The following MRPS10 variants were observed in gnomAD, a reference collection of about 807,000 sequenced individuals.
MRPS10 encodes small ribosomal subunit protein uS10m.
MRPS10 carries 23 observed loss-of-function variants against 27.5 expected under a neutral mutation model. The ratio of observed to expected loss-of-function variants is 0.84; its 90% CI spans 0.60 to 1.18. The LOEUF (loss-of-function observed/expected upper bound fraction) is 1.18, where lower values mean the gene tolerates loss of function less well. Ranked by LOEUF, MRPS10 falls within the 50% of genes most tolerant of loss-of-function variation. MRPS10 has a pLI of 0.00. For synonymous variants in MRPS10, 88 were observed against 84.2 expected, an observed-to-expected ratio of 1.04 and a Z score of -0.25; for missense variants, 237 against 240.1, an observed-to-expected ratio of 0.99 and a Z score of 0.09.
rs572230387 is a variant in MRPS10 at position 42,217,678 on chromosome 6, T to C, written c.48+124A>G. The C allele has an allele frequency of 3.6e-5, 35 of 968,352 alleles. No individual in the cohort carries two copies. The African/African-American group carries it at 4.3e-4, about 12-fold the overall frequency. The allele number at this position is 968,352 out of a possible 1,614,324, so 60.0% of individuals were successfully genotyped here. The stretch of plus-strand genomic sequence containing the variant: ...TAGCCCCTTTCTCGTCACTTTCCTG[T>C]AAACGGCGCGAGGTGAGGGATAAAT... On this transcript the variant is annotated intron_variant, in intron 1 of 6. Transcript: ENST00000053468.
intron 4 of MRPS10, among the ~76,000 whole-genome samples, chr6:42,211,510 A>T (rs1768771418): frequency 6.6e-6 from 1 of 151,436 alleles, no homozygotes; most frequent in African/African-American, 2.4e-5. Flanking sequence ...GTGAAACCCC[A>T]TCTCTACTAA....
chr6:42,210,182 C>T (rs1378753148), intron 5 of MRPS10, among the ~76,000 whole-genome samples: 2 of 152,224 alleles, frequency 1.3e-5, no homozygotes, highest in African/African-American at 4.8e-5. Context: ...GTATGTGAAA[C>T]AGTTATTAGA....
chr6:42,208,522 A>G (rs2113858405), intron 6 of MRPS10, 150 bp from the exon 7 acceptor site: 1 of 668,292 alleles, frequency 1.5e-6, no homozygotes, highest in African/African-American at 1.8e-5. Flanking sequence ...AAAGAAGGAA[A>G]CTTGATGGTC....
chr6:42,209,747 CAAAAAAAAAAAAAAAAAA>C (rs60179760), intron 5 of MRPS10, among the ~76,000 whole-genome samples: 3 of 58,612 alleles, frequency 5.1e-5, no homozygotes, highest in East Asian at 5.9e-4. Context: ...GACTCTATCT[CAAAAAAAAAAAAAAAAAA>C]AAAAAAAAAA....
At chr6:42,216,099 C>A (rs1373437085) in intron 1 of MRPS10, among the ~76,000 whole-genome samples, 1 of 146,372 alleles carries the variant, frequency 6.8e-6, no homozygotes, top group Non-Finnish European at 1.5e-5. Flanking sequence ...TCTCAGCTCA[C>A]TGAAACCTCC....
intron 1 of MRPS10, among the ~76,000 whole-genome samples, chr6:42,215,172 T>TGC: frequency 6.6e-6 from 1 of 151,868 alleles, no homozygotes; most frequent in African/African-American, 2.4e-5. Flanking sequence ...GTGGATCACT[T>TGC]GTAGTCAGGA....
Position 42,217,668 on chromosome 6 carries a change from C to T in MRPS10, c.48+134G>A, listed in dbSNP as rs1259176969. The stretch of plus-strand genomic sequence containing the variant: ...CTGATAAAACTAGCCCCTTTCTCGT[C>T]ACTTTCCTGTAAACGGCGCGAGGTG... On this transcript the variant is annotated intron_variant, in intron 1 of 6. Coordinates refer to ENST00000053468, the MANE Select transcript of MRPS10 (RefSeq NM_018141.4). 7 of 829,702 alleles carry T rather than the reference C, an allele frequency of 8.4e-6. No homozygotes were observed. The African/African-American group carries it at 8.6e-5, about 10-fold the overall frequency. The allele number at this position is 829,702 out of a possible 1,614,324, so 51.4% of individuals were successfully genotyped here.
At chr6:42,216,385 AGT>A (rs1225590522) in intron 1 of MRPS10, among the ~76,000 whole-genome samples, 1,086 of 58,662 alleles carry the variant, frequency 0.019, 32 homozygotes, top group African/African-American at 0.045. Context: ...AGAGAGAGAG[AGT>A]GTGTGTGTGT....
chr6:42,213,044 G>C (rs1182846784), intron 3 of MRPS10, among the ~76,000 whole-genome samples: 2 of 152,202 alleles, frequency 1.3e-5, no homozygotes, highest in African/African-American at 2.4e-5. Flanking sequence ...CTGCTGTCTT[G>C]CTTATAAAGA....
intron 5 of MRPS10, among the ~76,000 whole-genome samples, chr6:42,210,137 A>G (rs1401506503): frequency 1.3e-5 from 2 of 152,238 alleles, no homozygotes; most frequent in Admixed American, 1.3e-4. Flanking sequence ...TGAAAAACCT[A>G]ATGCTGTGCA....
chr6:42,210,558 A>T lies in MRPS10; in HGVS notation c.362T>A (p.Leu121His). Reference protein sequence around the residue: ...PPRKIERFTLLQSVHIYKKHR... With the variant: ...PPRKIERFTLHQSVHIYKKHR... Reference sequence around the variant, plus strand: ...CTTCTTGTAAATATGCACTGATTGGAGAAGAGTAAATCGCTCTATTTTCCT... The same window carrying T: ...CTTCTTGTAAATATGCACTGATTGGTGAAGAGTAAATCGCTCTATTTTCCT... Residue 121 changes from leucine (L) to histidine (H), a missense_variant, in exon 5 of 7, where the codon CTC (leucine) becomes CAC (histidine). By Grantham distance (99) the Leu-to-His change is moderately conservative. Coordinates refer to ENST00000053468, the MANE Select transcript of MRPS10 (RefSeq NM_018141.4). 6.5e-7 allele frequency: 1 copy of T among 1,528,394 alleles called. No individual in the cohort carries two copies. Among genetic ancestry groups the T allele is most frequent in the South Asian group, 1.2e-5 (1 of 83,826 alleles). 94.7% of individuals were successfully genotyped at this position (1,528,394 alleles called of 1,614,324 possible). A position where few individuals can be genotyped will look rare whatever the true frequency, so the allele number is the denominator to read the frequency against.
chr6:42,212,314 C>G (rs947654337), intron 3 of MRPS10, among the ~76,000 whole-genome samples: 1 of 152,144 alleles, frequency 6.6e-6, no homozygotes, highest in African/African-American at 2.4e-5. Flanking sequence ...CAAATCATAT[C>G]GTCTCACTGC....
intron 5 of MRPS10, among the ~76,000 whole-genome samples, chr6:42,209,207 A>G (rs1344533629): frequency 3.0e-5 from 3 of 101,254 alleles, no homozygotes; most frequent in East Asian, 6.1e-4. Flanking sequence ...CATGTTGGCC[A>G]GGCTGGCCTC....
intron 5 of MRPS10, 57 bp from the exon 6 acceptor site, chr6:42,209,004 T>TG: frequency 3.5e-6 from 4 of 1,154,662 alleles, no homozygotes; most frequent in African/African-American, 3.8e-5. Flanking sequence ...GCACGGTTTT[T>TG]TGTTTTTTTT....
chr6:42,211,712 T>C, intron 4 of MRPS10, 69 bp downstream of exon 4: 3 of 1,340,434 alleles, frequency 2.2e-6, no homozygotes, highest in Non-Finnish European at 3.1e-6. Flanking sequence ...CTTCCTGGGA[T>C]GAGCACTATT....
chr6:42,211,757 C>T (rs185958545), intron 4 of MRPS10, 24 bp downstream of exon 4: 25 of 1,603,186 alleles, frequency 1.6e-5, no homozygotes, highest in Middle Eastern at 1.7e-4. Context: ...GCGAACAGGT[C>T]GGGTCAGGAA....
At chr6:42,211,716 C>A in intron 4 of MRPS10, 65 bp downstream of exon 4, 2 of 1,398,350 alleles carry the variant, frequency 1.4e-6, no homozygotes, top group Non-Finnish European at 9.7e-7. Context: ...CTGGGATGAG[C>A]ACTATTTTCC....
At chr6:42,217,716 C>G (rs773335411) in intron 1 of MRPS10, 86 bp downstream of exon 1, 6 of 1,436,634 alleles carry the variant, frequency 4.2e-6, no homozygotes, top group Non-Finnish European at 5.8e-6. Context: ...CAGGAAAAAT[C>G]CTGATGGGCA....
At chr6:42,208,634 G>A (rs549541409) in intron 6 of MRPS10, among the ~76,000 whole-genome samples, 1 of 152,258 alleles carries the variant, frequency 6.6e-6, no homozygotes, top group East Asian at 1.9e-4. Flanking sequence ...ATTGAGGAGG[G>A]AGAACTTCAT....
Sources: allele counts gnomAD v4.1 joint callset (sites outside exome capture counted in the v4.1 genomes callset), GRCh38; gene constraint gnomAD v4.1.1; transcripts MANE v1.5; gene names NCBI Gene and HGNC (gene_info 2026-07-23, HGNC 2026-07-21).